SBF2: variants seen among roughly 807,000 people sequenced by gnomAD.
The protein encoded by SBF2 is SET binding factor 2.
In SBF2, 112 loss-of-function variants were observed where a neutral mutation model predicts 225.2. The ratio of observed to expected loss-of-function variants is 0.50; its 90% CI spans 0.43 to 0.58. The LOEUF (loss-of-function observed/expected upper bound fraction) is 0.58, where lower values mean the gene tolerates loss of function less well. Ranked by LOEUF, SBF2 falls within the 20% of genes least tolerant of loss-of-function variation. The pLI, the probability that SBF2 is intolerant of heterozygous loss-of-function variation, is 0.00. For synonymous variants in SBF2, 763 were observed against 773.3 expected (o/e 0.99, Z 0.22); for missense variants, 1,996 against 2,206.2 (o/e 0.90, Z 1.91).
chr11:9,962,227 A>C, intron 15 of SBF2, 121 bp from the exon 16 acceptor site: 1 of 829,680 alleles, frequency 1.2e-6, no homozygotes, highest in Non-Finnish European at 2.0e-6. Context: ...TATTAGTAAA[A>C]TTAAACTCCT....
At chr11:10,033,880 A>G (rs1357576459) in intron 3 of SBF2, among the ~76,000 whole-genome samples, 2 of 152,178 alleles carry the variant, frequency 1.3e-5, no homozygotes, top group Non-Finnish European at 2.9e-5. Context: ...GTGTTTTACA[A>G]TGACAGATTT....
chr11:10,254,900 C>CAAAAAAAAAAAAAAAAAAAAAAAAAAAAA (rs71034757), intron 1 of SBF2, among the ~76,000 whole-genome samples: 7 of 44,074 alleles, frequency 1.6e-4, no homozygotes, highest in Non-Finnish European at 2.3e-4. Context: ...GACTCTGTCT[C>CAAAAAAAAAAAAAAAAAAAAAAAAAAAAA]AAAAAAAAAA....
At chr11:10,301,292 A>G (rs948466190) in intron 1 of SBF2, among the ~76,000 whole-genome samples, 2 of 152,130 alleles carry the variant, frequency 1.3e-5, no homozygotes, top group South Asian at 2.1e-4. Flanking sequence ...GTTTATGTAC[A>G]TGTTCATTTT....
Position 9,785,217 on chromosome 11 carries a change from C to T in SBF2, c.5139G>A (p.Glu1713=). 1 of 1,614,114 alleles carries T rather than the reference C, an allele frequency of 6.2e-7. No individual in the cohort carries two copies. The highest frequency in any genetic ancestry group is 1.1e-5 in the South Asian group (1 of 91,078). The change falls in exon 37 of 40, where the codon GAG becomes GAA. Residue 1713 remains glutamate, a synonymous_variant. Transcript: ENST00000256190. The stretch of plus-strand genomic sequence containing the variant: ...ATGGGGAGATGCTGGAATTCTGTTC[C>T]TCCCCCATGCTGCTGTCTGGGAGAT... ...LLHLPDSSMG[E]EQNSSISPSN...
At chr11:10,285,645 G>A (rs1460716619) in intron 1 of SBF2, among the ~76,000 whole-genome samples, 1 of 152,134 alleles carries the variant, frequency 6.6e-6, no homozygotes, top group African/African-American at 2.4e-5. Context: ...CATAACCAAT[G>A]GGAATCCTCT....
chr11:9,836,035 T>C (rs1212648258), intron 26 of SBF2, among the ~76,000 whole-genome samples: 2 of 152,182 alleles, frequency 1.3e-5, no homozygotes, highest in East Asian at 3.8e-4. Flanking sequence ...TTTAAATGTT[T>C]AGACAGCATT....
At chr11:10,112,133 T>G (rs1402739452) in intron 2 of SBF2, among the ~76,000 whole-genome samples, 1 of 152,200 alleles carries the variant, frequency 6.6e-6, no homozygotes, top group African/African-American at 2.4e-5. Flanking sequence ...GAACCCCTGA[T>G]TTCTAAAACA....
intron 2 of SBF2, among the ~76,000 whole-genome samples, chr11:10,114,343 T>C (rs549953670): frequency 2.0e-5 from 3 of 152,344 alleles, no homozygotes; most frequent in East Asian, 3.9e-4. Flanking sequence ...TTGGAAAATA[T>C]ATGCTTTATC....
chr11:10,200,540 TA>T (rs893863769), intron 1 of SBF2, among the ~76,000 whole-genome samples: 1 of 152,228 alleles, frequency 6.6e-6, no homozygotes, highest in Non-Finnish European at 1.5e-5. Flanking sequence ...AATCCCTTTT[TA>T]AAACATGTTT....
At chr11:9,882,908 T>C (rs2134090608) in intron 17 of SBF2, among the ~76,000 whole-genome samples, 1 of 152,244 alleles carries the variant, frequency 6.6e-6, no homozygotes. Context: ...AAATATCGTT[T>C]AATTCACATT....
chr11:10,138,791 C>T (rs538572693), intron 2 of SBF2, among the ~76,000 whole-genome samples: 2 of 152,226 alleles, frequency 1.3e-5, no homozygotes, highest in South Asian at 4.2e-4. Context: ...GGTGAGAGAA[C>T]ATACTCTATA....
At chr11:10,018,784 G>A (rs915662210) in intron 6 of SBF2, among the ~76,000 whole-genome samples, 5 of 152,206 alleles carry the variant, frequency 3.3e-5, no homozygotes, top group African/African-American at 1.2e-4. Context: ...TTTTACAACG[G>A]TTTCTTTATA....
chr11:9,833,708 C>T (rs182052431), intron 26 of SBF2, among the ~76,000 whole-genome samples: 1 of 151,944 alleles, frequency 6.6e-6, no homozygotes, highest in East Asian at 1.9e-4. Context: ...GCATGAGCCA[C>T]CGTGCCCAGC....
chr11:10,227,714 G>A (rs1418186447), intron 1 of SBF2, among the ~76,000 whole-genome samples: 2 of 152,174 alleles, frequency 1.3e-5, no homozygotes, highest in Non-Finnish European at 2.9e-5. Context: ...ATGCTGTTTT[G>A]GTTACTGTAG....
intron 2 of SBF2, among the ~76,000 whole-genome samples, chr11:10,172,447 G>C (rs925163590): frequency 3.9e-5 from 6 of 152,084 alleles, no homozygotes; most frequent in Non-Finnish European, 8.8e-5. Context: ...CACCTCCCAG[G>C]TTCAAGGGAT....
intron 16 of SBF2, among the ~76,000 whole-genome samples, chr11:9,938,084 G>A (rs1161342902): frequency 2.6e-5 from 4 of 152,022 alleles, no homozygotes; most frequent in Non-Finnish European, 5.9e-5. Flanking sequence ...GCGGTCAGGA[G>A]ATCGAGACCA....
chr11:9,968,229 G>C, intron 14 of SBF2, 112 bp downstream of exon 14: 1 of 921,208 alleles, frequency 1.1e-6, no homozygotes, highest in East Asian at 2.5e-5. Flanking sequence ...TCTGATTCTA[G>C]CTACAGGAGT....
chr11:10,024,714 C>T (rs1948987845), intron 6 of SBF2, among the ~76,000 whole-genome samples: 1 of 152,102 alleles, frequency 6.6e-6, no homozygotes, highest in Non-Finnish European at 1.5e-5. Flanking sequence ...CTCCCTGTAC[C>T]CCCAAGCCTG....
rs561558185 is a variant in SBF2, at chr11:10,045,316, C to T, written c.142-2335G>A. On this transcript the variant is annotated intron_variant, in intron 2 of 39. Coordinates refer to ENST00000256190, the MANE Select transcript of SBF2 (RefSeq NM_030962.4). ...CTGAGTAGCTGGGATTACAGGTGCC[C>T]GCCATCATGCCCAGGTAATTCATGT... Among the ~76,000 whole-genome samples, 12 of 152,040 alleles carry T rather than the reference C, an allele frequency of 7.9e-5. No homozygotes were observed. In the South Asian group the frequency reaches 1.0e-3, roughly 13 times the overall value.
Sources: allele counts gnomAD v4.1 joint callset (sites outside exome capture counted in the v4.1 genomes callset), GRCh38; gene constraint gnomAD v4.1.1; transcripts MANE v1.5; gene names NCBI Gene and HGNC (gene_info 2026-07-23, HGNC 2026-07-21).